The following DET1 variants were observed in gnomAD, a reference collection of about 807,000 sequenced individuals.
DET1 encodes DET1 homolog.
Under a neutral mutation model 43.7 loss-of-function variants are expected in DET1, and 22 were observed. The ratio of observed to expected loss-of-function variants is 0.50; its 90% confidence interval spans 0.36 to 0.72. The LOEUF is 0.72. DET1 is among the 30% of genes least tolerant of loss of function. DET1 has a pLI of 0.00. For synonymous variants in DET1, 315 were observed against 266.2 expected, an observed-to-expected ratio of 1.18 and a Z score of -1.79; for missense variants, 713 against 713.3, an observed-to-expected ratio of 1.00 and a Z score of 0.00.
intron 1 of DET1, among the ~76,000 whole-genome samples, chr15:88,545,128 A>G (rs1413766037): frequency 1.3e-5 from 2 of 152,194 alleles, no homozygotes; most frequent in African/African-American, 2.4e-5. Flanking sequence ...GATCAACCAG[A>G]TCTTCATTCG....
intron 3 of DET1, among the ~76,000 whole-genome samples, chr15:88,519,082 C>G (rs916777071): frequency 4.6e-5 from 7 of 152,202 alleles, no homozygotes; most frequent in African/African-American, 1.7e-4. Flanking sequence ...GCCTGACTCA[C>G]CGACTCCCTG....
chr15:88,518,308 A>C (rs932737570), intron 3 of DET1, among the ~76,000 whole-genome samples: 2 of 151,930 alleles, frequency 1.3e-5, no homozygotes, highest in Non-Finnish European at 2.9e-5. Flanking sequence ...CTAAGGAATC[A>C]CTCCTACATG....
chr15:88,531,580 GA>G lies in DET1; in HGVS notation c.125del (p.Phe42SerfsTer73). The G allele has an allele frequency of 6.2e-7, 1 of 1,614,004 alleles. No homozygotes were observed. Among genetic ancestry groups the G allele is most frequent in the Non-Finnish European group, 8.5e-7 (1 of 1,179,892 alleles). On this transcript the variant is annotated frameshift_variant, in exon 2 of 5. Coordinates refer to ENST00000268148, the MANE Select transcript of DET1 (RefSeq NM_001144074.3). LOFTEE classifies it high-confidence loss of function. This position sits in a 1 kb window ranked among gnomAD's most constrained non-coding sequence, Gnocchi z 6.2. ...AGTHWHQVRV[F>X]HQNVFPNFTV... ...TGAAGTTGGGGAAGACATTCTGATG[GA>G]ACACTCGGACTTGGTGCCAGTGGGT...
chr15:88,535,376 T>C (rs1201793516), intron 1 of DET1, among the ~76,000 whole-genome samples: 1 of 150,548 alleles, frequency 6.6e-6, no homozygotes, highest in Non-Finnish European at 1.5e-5. Flanking sequence ...CAGTAAAGCC[T>C]CAGGGCCCTA....
chr15:88,525,009 T>A (rs146974284), intron 3 of DET1, among the ~76,000 whole-genome samples: 9 of 152,312 alleles, frequency 5.9e-5, no homozygotes, highest in Admixed American at 5.9e-4. Context: ...TAGCAAAGTA[T>A]GATTAGTGGT....
intron 3 of DET1, among the ~76,000 whole-genome samples, chr15:88,523,939 A>C (rs1412473100): frequency 4.9e-5 from 6 of 121,364 alleles, no homozygotes; most frequent in Non-Finnish European, 8.5e-5. Context: ...CCGGCTGCCC[A>C]GTCTGGAAAG....
chr15:88,506,780 A>G (rs560213260), intron 7 of DET1, among the ~76,000 whole-genome samples: 2 of 152,320 alleles, frequency 1.3e-5, no homozygotes, highest in South Asian at 2.1e-4. Flanking sequence ...AGGTTTTGCT[A>G]TCCTTAAATG....
At chr15:88,529,553 A>T (rs1301380329) in intron 2 of DET1, among the ~76,000 whole-genome samples, 1 of 152,216 alleles carries the variant, frequency 6.6e-6, no homozygotes, top group Non-Finnish European at 1.5e-5. Context: ...TACAATTCAG[A>T]AGGAAAATGT....
In DET1 at chr15:88,512,739, G is replaced by C. The variant is rs533760349; in HGVS notation, c.*212C>G. 251 of 1,283,850 alleles carry C rather than the reference G, an allele frequency of 2.0e-4. No homozygotes were observed. The East Asian group carries it at 7.1e-3, about 36-fold the overall frequency. The allele number at this position is 1,283,850 out of a possible 1,614,324, so 79.5% of individuals were successfully genotyped here. A position where few individuals can be genotyped will look rare whatever the true frequency, so the allele number is the denominator to read the frequency against. On this transcript the variant is annotated 3_prime_UTR_variant, in exon 5 of 5. Coordinates refer to ENST00000268148, the MANE Select transcript of DET1 (RefSeq NM_001144074.3). Reference sequence around the variant, plus strand: ...CATTCCCACAGGGAAAACGCAAGAGGATATTATAACAATCAGTAGCAGTAT... The same window carrying C: ...CATTCCCACAGGGAAAACGCAAGAGCATATTATAACAATCAGTAGCAGTAT...
chr15:88,527,659 C>T lies in DET1; in HGVS notation c.1211G>A (p.Ser404Asn). 6.2e-7 allele frequency: 1 copy of T among 1,612,920 alleles called. No individual in the cohort carries two copies. Among genetic ancestry groups the T allele is most frequent in the Non-Finnish European group, 8.5e-7 (1 of 1,179,420 alleles). ...AGCTGAGCAGGGAAACTGAACTTCACTGTGCAGGGTAGCATTACGAAAAAG... is the reference window on the plus strand; with the variant it reads ...AGCTGAGCAGGGAAACTGAACTTCATTGTGCAGGGTAGCATTACGAAAAAG... ...CDLFRNATLH[S>N]EVQFPCSASS... Residue 404 changes from serine to asparagine, a missense_variant, in exon 3 of 5, where the codon AGT becomes AAT. Transcript: ENST00000268148.
At chr15:88,534,607 T>A (rs1165553178) in intron 1 of DET1, among the ~76,000 whole-genome samples, 1 of 152,204 alleles carries the variant, frequency 6.6e-6, no homozygotes, top group Non-Finnish European at 1.5e-5. Context: ...ACTCCCAAGC[T>A]GCACACGTGT....
chr15:88,531,915 A>G lies in DET1; in HGVS notation c.-10-200T>C. 1 of 580,780 alleles carries G rather than the reference A, an allele frequency of 1.7e-6. No homozygotes were observed. The highest frequency in any genetic ancestry group is 3.0e-6 in the Non-Finnish European group (1 of 336,624). The allele number at this position is 580,780 out of a possible 1,614,324, so 36.0% of individuals were successfully genotyped here. A position where few individuals can be genotyped will look rare whatever the true frequency, so the allele number is the denominator to read the frequency against. On this transcript the variant is annotated intron_variant, in intron 1 of 4. Coordinates refer to ENST00000268148, the MANE Select transcript of DET1 (RefSeq NM_001144074.3). The surrounding 1 kb of genome is among the most constrained non-coding windows in gnomAD (Gnocchi z 6.2). ...CTAAGTCTAGAAACAGGTCTAAGGGAAGGATCTAGTTCACTAGGAATACCT... is the reference window on the plus strand; with the variant it reads ...CTAAGTCTAGAAACAGGTCTAAGGGGAGGATCTAGTTCACTAGGAATACCT...
downstream of DET1, among the ~76,000 whole-genome samples, chr15:88,510,770 T>C (rs528689863): frequency 2.7e-5 from 4 of 145,954 alleles, no homozygotes; most frequent in Admixed American, 2.8e-4. Flanking sequence ...TTTTTTTTTT[T>C]GTTTTTTTTT....
rs1194218702 is a variant in DET1 at position 88,531,175 on chromosome 15, A to G, written c.531T>C (p.Ser177=). The G allele has an allele frequency of 1.9e-6, 3 of 1,613,820 alleles. No individual in the cohort carries two copies. The highest frequency in any genetic ancestry group is 8.5e-7 in the Non-Finnish European group (1 of 1,179,834). The change falls in exon 2 of 5, where the codon AGT becomes AGC. Residue 177 remains serine (S), a synonymous_variant. Coordinates refer to ENST00000268148, the MANE Select transcript of DET1 (RefSeq NM_001144074.3). This position sits in a 1 kb window ranked among gnomAD's most constrained non-coding sequence, Gnocchi z 6.2. ...HPPFFEVYRN[S]ESVTPNPRSP... is the part of the protein sequence containing the mutation. ...ACCGTGGGTTGGGGGTCACTGATTC[A>G]CTGTTCCGATATACCTCAAAAAATG...
chr15:88,522,845 A>G (rs1310281987), intron 3 of DET1, among the ~76,000 whole-genome samples: 1 of 150,040 alleles, frequency 6.7e-6, no homozygotes, highest in Non-Finnish European at 1.5e-5. Context: ...TTATACTTTC[A>G]ATTGATTCAG....
At chr15:88,523,957 C>A (rs1219394385) in intron 3 of DET1, among the ~76,000 whole-genome samples, 2 of 149,344 alleles carry the variant, frequency 1.3e-5, no homozygotes, top group African/African-American at 2.5e-5. Flanking sequence ...AAGTGAGGAG[C>A]GTCTCCACCC....
chr15:88,516,667 C>T lies in DET1; in HGVS notation c.1463+115G>A, dbSNP rs995702995. 4 of 926,746 alleles carry T rather than the reference C, an allele frequency of 4.3e-6. No individual in the cohort carries two copies. The Admixed American group carries it at 1.2e-4, about 27-fold the overall frequency. The allele number at this position is 926,746 out of a possible 1,614,324, so 57.4% of individuals were successfully genotyped here. On this transcript the variant is annotated intron_variant, in intron 4 of 4. Transcript: ENST00000268148. The surrounding 1 kb of genome is among the most constrained non-coding windows in gnomAD (Gnocchi z 4.4). ...TATAGAAATAGCCTGCCTTTTCAAC[C>T]TTACCCATGAGTACGAGTCACAGTC...
Position 88,546,528 on chromosome 15 carries a change from G to A in DET1, c.-11+12C>T, listed in dbSNP as rs951376853. 6.6e-6 allele frequency: 1 copy of A among 152,422 alleles called. No homozygotes were observed. Among genetic ancestry groups the A allele is most frequent in the Non-Finnish European group, 1.5e-5 (1 of 68,176 alleles). The allele number at this position is 152,422 out of a possible 1,614,324, so 9.4% of individuals were successfully genotyped here. A position where few individuals can be genotyped will look rare whatever the true frequency, so the allele number is the denominator to read the frequency against. ...GGGCTTGGAGGCTGGGCCAAAAATG[G>A]TAAGTCCTCACCTGTCTGGTCCGGG... On this transcript the variant is annotated intron_variant, in intron 1 of 4. Coordinates refer to ENST00000268148, the MANE Select transcript of DET1 (RefSeq NM_001144074.3).
At chr15:88,522,847 T>A (rs1014578820) in intron 3 of DET1, among the ~76,000 whole-genome samples, 1 of 151,554 alleles carries the variant, frequency 6.6e-6, no homozygotes, top group African/African-American at 2.4e-5. Context: ...ATACTTTCAA[T>A]TGATTCAGCG....
Sources: allele counts gnomAD v4.1 joint callset (sites outside exome capture counted in the v4.1 genomes callset), GRCh38; gene constraint gnomAD v4.1.1; non-coding constraint Gnocchi (gnomAD v3.1); transcripts MANE v1.5; gene names NCBI Gene and HGNC (gene_info 2026-07-23, HGNC 2026-07-21).